Variants in TMCO4 observed in about 807,000 individuals in gnomAD.
TMCO4 encodes transmembrane and coiled-coil domains 4, also known as transmembrane and coiled-coil domain-containing protein 4.
In TMCO4, 58 loss-of-function variants were observed where a neutral mutation model predicts 64.7. That is an observed-to-expected ratio of 0.90 (90% CI 0.73 to 1.12). The LOEUF (loss-of-function observed/expected upper bound fraction) is 1.12. TMCO4 is among the 50% of genes most tolerant of loss of function. The probability of loss-of-function intolerance (pLI) is 0.00; values close to 1 mark genes in which losing one functional copy is unlikely to be tolerated. For synonymous variants in TMCO4, 325 were observed against 346.1 expected (o/e 0.94, Z 0.68); for missense variants, 780 against 825.9 (o/e 0.94, Z 0.68).
chr1:19,796,030 G>A (rs925812628), intron 2 of TMCO4, among the ~76,000 whole-genome samples: 16 of 152,262 alleles, frequency 1.1e-4, no homozygotes, highest in East Asian at 9.7e-4. Flanking sequence ...TGTTCTCTCC[G>A]TCTGGGTCCC....
At chr1:19,739,692 G>A in intron 12 of TMCO4, 132 bp downstream of exon 12, 6 of 1,308,860 alleles carry the variant, frequency 4.6e-6, no homozygotes, top group Non-Finnish European at 6.2e-6. Flanking sequence ...AGGCAGCAAG[G>A]ACTGCCCACA....
intron 15 of TMCO4, among the ~76,000 whole-genome samples, chr1:19,686,856 A>G (rs2095153180): frequency 6.6e-6 from 1 of 152,246 alleles, no homozygotes. Flanking sequence ...AATGATTGCT[A>G]TAAGGAGTTC....
At chr1:19,759,738 C>T (rs535985644) in intron 6 of TMCO4, among the ~76,000 whole-genome samples, 1 of 152,332 alleles carries the variant, frequency 6.6e-6, no homozygotes, top group East Asian at 1.9e-4. Context: ...ATCAGAACAG[C>T]TCAGCCCCCA....
chr1:19,792,765 A>ATTTTTTTTTTTTTT (rs71579823), intron 2 of TMCO4, among the ~76,000 whole-genome samples: 1 of 89,648 alleles, frequency 1.1e-5, no homozygotes, highest in African/African-American at 4.1e-5. Context: ...GTCAAGGTCA[A>ATTTTTTTTTTTTTT]TTTTTTTTTT....
intron 13 of TMCO4, among the ~76,000 whole-genome samples, chr1:19,733,222 G>T (rs2095437733): frequency 6.6e-6 from 1 of 152,016 alleles, no homozygotes; most frequent in Non-Finnish European, 1.5e-5. Flanking sequence ...AGCTGAGATG[G>T]CACCACTGCA....
rs2095112916 is a variant in TMCO4 at position 19,682,861 on chromosome 1, G to A, written c.*179C>T. 2 of 941,972 alleles carry A rather than the reference G, an allele frequency of 2.1e-6. No individual in the cohort carries two copies. Among genetic ancestry groups the A allele is most frequent in the Middle Eastern group, 2.3e-4 (1 of 4,424 alleles). The allele number at this position is 941,972 out of a possible 1,614,324, so 58.4% of individuals were successfully genotyped here. A position where few individuals can be genotyped will look rare whatever the true frequency, so the allele number is the denominator to read the frequency against. ...CAGGCAGCTTCCCAAGGGTGGGCGT[G>A]TTCTCTCCTCCAAATTCCCCTTCCT... On this transcript the variant is annotated 3_prime_UTR_variant, in exon 16 of 16. Transcript: ENST00000294543.
At chr1:19,701,984 C>A (rs772643715) in intron 13 of TMCO4, among the ~76,000 whole-genome samples, 2 of 152,060 alleles carry the variant, frequency 1.3e-5, no homozygotes, top group Non-Finnish European at 1.5e-5. Flanking sequence ...TTATTTATTT[C>A]TTTGAGACAG....
intron 2 of TMCO4, among the ~76,000 whole-genome samples, chr1:19,794,514 T>C (rs1469994635): frequency 1.3e-5 from 2 of 152,178 alleles, no homozygotes; most frequent in Admixed American, 6.5e-5. Flanking sequence ...TTTGTAATAG[T>C]CCATTTGACC....
intron 13 of TMCO4, among the ~76,000 whole-genome samples, chr1:19,729,260 A>G (rs1404655947): frequency 6.6e-6 from 1 of 151,734 alleles, no homozygotes; most frequent in Non-Finnish European, 1.5e-5. Flanking sequence ...AGCGATTCTC[A>G]TGCCTCCGCC....
chr1:19,763,408 A>ATCT (rs958484806), intron 6 of TMCO4, among the ~76,000 whole-genome samples: 5 of 152,156 alleles, frequency 3.3e-5, no homozygotes, highest in Non-Finnish European at 5.9e-5. Context: ...GCTTTTGTTG[A>ATCT]GGGACAATAA....
intron 7 of TMCO4, among the ~76,000 whole-genome samples, chr1:19,754,701 C>T (rs535211569): frequency 5.4e-4 from 82 of 152,216 alleles, no homozygotes; most frequent in African/African-American, 1.9e-3. Context: ...AGCTGAGCAC[C>T]GGCCAGGTTA....
intron 14 of TMCO4, among the ~76,000 whole-genome samples, chr1:19,699,965 G>T (rs1469739196): frequency 6.6e-6 from 1 of 152,206 alleles, no homozygotes; most frequent in African/African-American, 2.4e-5. Flanking sequence ...AAACGAAGGT[G>T]GGCCTCAGAA....
intron 6 of TMCO4, among the ~76,000 whole-genome samples, chr1:19,760,053 C>T (rs556034719): frequency 6.6e-6 from 1 of 152,326 alleles, no homozygotes; most frequent in East Asian, 1.9e-4. Flanking sequence ...CCCTCCAAGT[C>T]CTGCTCCCCC....
At chr1:19,719,533 G>T (rs1190912980) in intron 13 of TMCO4, among the ~76,000 whole-genome samples, 1 of 152,076 alleles carries the variant, frequency 6.6e-6, no homozygotes, top group Non-Finnish European at 1.5e-5. Flanking sequence ...TTTATTTATT[G>T]ATTGATTGAT....
intron 7 of TMCO4, chr1:19,750,143 C>T (rs2041963531): frequency 6.6e-6 from 1 of 152,082 alleles, no homozygotes; most frequent in Non-Finnish European, 1.5e-5. Flanking sequence ...TAATTTCCTC[C>T]TCAACACAGG....
Position 19,747,154 on chromosome 1 carries a change from T to C in TMCO4, c.613+9A>G, listed in dbSNP as rs371897261. On this transcript the variant is annotated intron_variant, in intron 8 of 15. Coordinates refer to ENST00000294543, the MANE Select transcript of TMCO4 (RefSeq NM_181719.7). ...CCAGACGTGTGCCACCATCTCTAGC[T>C]GGACTCACCGATCACCGTTCCGCCT... is the stretch of plus-strand genomic sequence containing the variant. The C allele has an allele frequency of 2.9e-5, 46 of 1,613,418 alleles. No homozygotes were observed. The highest frequency in any genetic ancestry group is 1.7e-5 in the Admixed American group (1 of 59,980).
intron 6 of TMCO4, among the ~76,000 whole-genome samples, chr1:19,756,605 T>A (rs552739214): frequency 6.6e-6 from 1 of 152,194 alleles, no homozygotes; most frequent in African/African-American, 2.4e-5. Flanking sequence ...CCCACACCCA[T>A]CCAGCCGAAA....
intron 7 of TMCO4, chr1:19,749,962 AT>A (rs1191731981): frequency 6.6e-6 from 1 of 152,238 alleles, no homozygotes; most frequent in East Asian, 1.9e-4. Context: ...TGCACAAATT[AT>A]TTGTCACATC....
At chr1:19,683,487 C>A in intron 15 of TMCO4, 43 bp from the exon 16 acceptor site, 1 of 1,597,230 alleles carries the variant, frequency 6.3e-7, no homozygotes, top group Non-Finnish European at 8.5e-7. Context: ...GTGTGCAGAG[C>A]CCAGCCCTCC....
Sources: gnomAD v4.1 joint callset for allele counts (sites outside exome capture counted in the v4.1 genomes callset) on GRCh38, gnomAD v4.1.1 for gene constraint, MANE v1.5 for transcripts, NCBI Gene and HGNC (gene_info 2026-07-23, HGNC 2026-07-21) for gene names.